Variants in PRUNE2 observed in about 807,000 individuals in gnomAD.
The protein encoded by PRUNE2 is prune homolog 2 with BCH domain, also known as protein prune homolog 2.
Under a neutral mutation model 252.0 loss-of-function variants are expected in PRUNE2, and 164 were observed. The observed-to-expected ratio is 0.65, with a 90% CI of 0.57 to 0.74. The LOEUF (loss-of-function observed/expected upper bound fraction) is 0.74, where lower values mean the gene tolerates loss of function less well. PRUNE2 is among the 30% of genes least tolerant of loss of function. The pLI is 0.00. For synonymous variants in PRUNE2, 1,292 were observed against 1,350.2 expected (o/e 0.96, Z 0.94); for missense variants, 3,495 against 3,711.0 (o/e 0.94, Z 1.51).
intron 6 of PRUNE2, among the ~76,000 whole-genome samples, chr9:76,742,827 A>G (rs11145036): frequency 0.16 from 23,912 of 152,186 alleles, 2,274 homozygotes; most frequent in East Asian, 0.49. Context: ...TAAGATTTTA[A>G]AGGGAGAAAA....
intron 6 of PRUNE2, among the ~76,000 whole-genome samples, chr9:76,756,036 A>G (rs116181269): frequency 0.019 from 2,874 of 152,234 alleles, 82 homozygotes; most frequent in African/African-American, 0.064. Flanking sequence ...AAACTTTCAA[A>G]TAATTTCCTG....
At chr9:76,787,720 A>T (rs1351892266) in intron 6 of PRUNE2, among the ~76,000 whole-genome samples, 1 of 152,174 alleles carries the variant, frequency 6.6e-6, no homozygotes, top group East Asian at 1.9e-4. Context: ...CCAGTCCTGC[A>T]GCAGCTTCAA....
intron 9 of PRUNE2, among the ~76,000 whole-genome samples, chr9:76,664,270 G>A (rs2133716054): frequency 6.6e-6 from 1 of 152,300 alleles, no homozygotes; most frequent in Middle Eastern, 3.4e-3. Context: ...CAGCCCTGTG[G>A]AGAGTCCATG....
intron 9 of PRUNE2, 28 bp from the exon 10 acceptor site, chr9:76,655,530 C>G: frequency 2.0e-6 from 3 of 1,528,088 alleles, no homozygotes; most frequent in Non-Finnish European, 2.7e-6. Context: ...CAAAGCGCGT[C>G]AACAACAACT....
chr9:76,879,292 A>G (rs1333959555), intron 1 of PRUNE2, among the ~76,000 whole-genome samples: 3 of 152,212 alleles, frequency 2.0e-5, no homozygotes, highest in Non-Finnish European at 4.4e-5. Flanking sequence ...TCCATTGCAT[A>G]TCTTATGTAA....
intron 7 of PRUNE2, among the ~76,000 whole-genome samples, chr9:76,712,015 A>G (rs509489): frequency 0.75 from 113,981 of 151,988 alleles, 43,099 homozygotes; most frequent in East Asian, 0.94. Flanking sequence ...CTGATTTTTA[A>G]GGAATGTCAG....
At chr9:76,892,243 C>G (rs1196466702) in intron 1 of PRUNE2, among the ~76,000 whole-genome samples, 2 of 152,162 alleles carry the variant, frequency 1.3e-5, no homozygotes, top group African/African-American at 4.8e-5. Flanking sequence ...TCTAACGTGT[C>G]GGGGTGTAGA....
rs1465494693 is a variant in PRUNE2 at position 76,703,572 on chromosome 9, T to A, written c.8041A>T (p.Lys2681Ter). Residue 2681 changes from lysine to a stop codon, truncating the protein, a stop_gained, in exon 9 of 19, where the codon AAG becomes TAG. Transcript: ENST00000376718. LOFTEE classifies it high-confidence loss of function. ...GPQLQILEEM[K>*]PLESLALEEA... Reference sequence around the variant, plus strand: ...TCTAGTGCCAAAGATTCTAGAGGCTTCATTTCTTCCAGAATCTGCAGCTGG... The same window carrying A: ...TCTAGTGCCAAAGATTCTAGAGGCTACATTTCTTCCAGAATCTGCAGCTGG... 4 of 1,613,672 alleles carry A rather than the reference T, an allele frequency of 2.5e-6. No homozygotes were observed. The highest frequency in any genetic ancestry group is 3.4e-6 in the Non-Finnish European group (4 of 1,179,888).
chr9:76,866,190 G>C (rs978097148), intron 1 of PRUNE2, among the ~76,000 whole-genome samples: 35 of 152,194 alleles, frequency 2.3e-4, no homozygotes, highest in Non-Finnish European at 7.3e-5. Context: ...CACCAAATTA[G>C]AAGGGCATAA....
intron 6 of PRUNE2, among the ~76,000 whole-genome samples, chr9:76,819,117 G>A (rs1415373477): frequency 6.6e-6 from 1 of 152,248 alleles, no homozygotes; most frequent in East Asian, 1.9e-4. Flanking sequence ...TAGGTGTGGT[G>A]TGCACACCTG....
chr9:76,833,453 T>G (rs1305254698), intron 4 of PRUNE2, among the ~76,000 whole-genome samples: 1 of 152,158 alleles, frequency 6.6e-6, no homozygotes, highest in Non-Finnish European at 1.5e-5. Flanking sequence ...CTTCCTTATT[T>G]GATGAATGGC....
chr9:76,901,003 C>G (rs544387177), intron 1 of PRUNE2, among the ~76,000 whole-genome samples: 2 of 152,342 alleles, frequency 1.3e-5, no homozygotes, highest in South Asian at 4.1e-4. Flanking sequence ...CCCCATATCA[C>G]TGCCTAAAGG....
rs1004840403 is a variant in PRUNE2, at chr9:76,611,775, A to C, written c.*2795T>G. The C allele has an allele frequency of 6.6e-6, 1 of 152,642 alleles. No individual in the cohort carries two copies. The highest frequency in any genetic ancestry group is 2.4e-5 in the African/African-American group (1 of 41,458). The allele number at this position is 152,642 out of a possible 1,614,324, so 9.5% of individuals were successfully genotyped here. On this transcript the variant is annotated 3_prime_UTR_variant, in exon 19 of 19. Transcript: ENST00000376718. ...CAGAAACTTCAGGATTTTCTTCCAC[A>C]CTGAGCTACTGCCCTCAAACAAACT...
intron 1 of PRUNE2, among the ~76,000 whole-genome samples, chr9:76,901,477 T>C (rs1054958060): frequency 6.6e-6 from 1 of 152,194 alleles, no homozygotes; most frequent in African/African-American, 2.4e-5. Context: ...ACAGCAGCCC[T>C]TTAAAAGGTA....
At chr9:76,762,367 G>A (rs1042036473) in intron 6 of PRUNE2, among the ~76,000 whole-genome samples, 1 of 152,198 alleles carries the variant, frequency 6.6e-6, no homozygotes, top group African/African-American at 2.4e-5. Flanking sequence ...ATTAATAAGG[G>A]AGGCAGGAAT....
At chr9:76,839,869 G>A (rs1319631883) in intron 4 of PRUNE2, among the ~76,000 whole-genome samples, 1 of 152,166 alleles carries the variant, frequency 6.6e-6, no homozygotes, top group Non-Finnish European at 1.5e-5. Flanking sequence ...AGAAGGCAAA[G>A]GAAAGAATCA....
At chr9:76,827,760 A>C (rs1564387529) in intron 4 of PRUNE2, among the ~76,000 whole-genome samples, 1 of 152,222 alleles carries the variant, frequency 6.6e-6, no homozygotes, top group Non-Finnish European at 1.5e-5. Context: ...TACATTTACC[A>C]TCAAACATGC....
Position 76,897,390 on chromosome 9 carries a change from C to CTTT in PRUNE2, c.36+8535_36+8537dup, listed in dbSNP as rs55702049. ...TGGCTATGCAACCTTAGGCAAACCT[C>CTTT]TTTTTTTTTTTTTTTTTTTTTTTTT... On this transcript the variant is annotated intron_variant, in intron 1 of 18. Coordinates refer to ENST00000376718, the MANE Select transcript of PRUNE2 (RefSeq NM_015225.3). Among the ~76,000 whole-genome samples, 82 of 56,296 alleles carry CTTT rather than the reference C, an allele frequency of 1.5e-3. 20 individuals are homozygous for CTTT. Among genetic ancestry groups the CTTT allele is most frequent in the Non-Finnish European group, 2.4e-3 (66 of 27,576 alleles). The allele number at this position is 56,296 out of a possible 152,430, so 36.9% of individuals were successfully genotyped here.
intron 1 of PRUNE2, among the ~76,000 whole-genome samples, chr9:76,885,785 G>A (rs927375962): frequency 1.3e-5 from 2 of 152,146 alleles, no homozygotes; most frequent in African/African-American, 4.8e-5. Context: ...TTCCCCATGT[G>A]CAAAATGGGG....
Sources: allele counts gnomAD v4.1 joint callset (sites outside exome capture counted in the v4.1 genomes callset), GRCh38; gene constraint gnomAD v4.1.1; transcripts MANE v1.5; gene names NCBI Gene and HGNC (gene_info 2026-07-23, HGNC 2026-07-21).